Variants in ART3 observed in about 807,000 individuals in gnomAD.
ART3 encodes ADP-ribosyltransferase 3 (inactive), also known as ecto-ADP-ribosyltransferase 3.
In ART3, 49 loss-of-function variants were observed where a neutral mutation model predicts 48.5. That is an observed-to-expected ratio of 1.01 (90% CI 0.80 to 1.28). The LOEUF (loss-of-function observed/expected upper bound fraction) is 1.28. Among genes scored for constraint, ART3 ranks in the 50% most tolerant of loss-of-function variants. The pLI, the probability that ART3 is intolerant of heterozygous loss-of-function variation, is 0.00. For synonymous variants in ART3, 145 were observed against 157.2 expected, an observed-to-expected ratio of 0.92 and a Z score of 0.58; for missense variants, 438 against 454.3, an observed-to-expected ratio of 0.96 and a Z score of 0.33.
chr4:76,067,469 TA>T (rs74489210), intron 1 of ART3, among the ~76,000 whole-genome samples: 19,557 of 152,082 alleles, frequency 0.13, 1,670 homozygotes, highest in East Asian at 0.38. Context: ...CCAAAATCTA[TA>T]AAAAAACACT....
chr4:76,090,460 A>G (rs1724624560), intron 3 of ART3, among the ~76,000 whole-genome samples: 1 of 152,238 alleles, frequency 6.6e-6, no homozygotes, highest in African/African-American at 2.4e-5. Context: ...GTTGCCAGAG[A>G]TTCTAATCAG....
At chr4:76,047,424 C>T (rs113056627) in intron 1 of ART3, among the ~76,000 whole-genome samples, 10,367 of 151,894 alleles carry the variant, frequency 0.068, 989 homozygotes, top group African/African-American at 0.21. Context: ...CTGATATCTG[C>T]GGCTGATTGG....
At chr4:76,016,680 C>G (rs1203026897) in intron 1 of ART3, among the ~76,000 whole-genome samples, 3 of 152,232 alleles carry the variant, frequency 2.0e-5, no homozygotes, top group Non-Finnish European at 1.5e-5. Flanking sequence ...TCCCAGGCAC[C>G]AGATGGGCCC....
intron 1 of ART3, among the ~76,000 whole-genome samples, chr4:76,024,417 G>A (rs756053121): frequency 6.6e-6 from 1 of 152,082 alleles, no homozygotes; most frequent in African/African-American, 2.4e-5. Context: ...GAAAAAAAAA[G>A]TGTTGGCCAT....
intron 3 of ART3, among the ~76,000 whole-genome samples, chr4:76,090,948 T>A (rs77439387): frequency 0.012 from 1,852 of 152,318 alleles, 43 homozygotes; most frequent in African/African-American, 0.042. Context: ...ACTAATGTAC[T>A]TGCTGTCACT....
At chr4:76,081,517 A>G (rs942395730) in intron 2 of ART3, among the ~76,000 whole-genome samples, 1 of 152,186 alleles carries the variant, frequency 6.6e-6, no homozygotes, top group Non-Finnish European at 1.5e-5. Flanking sequence ...ACTGCCACCC[A>G]TTTCTTTAGC....
chr4:76,025,652 GAGTATA>G (rs774620243), intron 1 of ART3, among the ~76,000 whole-genome samples: 2 of 151,986 alleles, frequency 1.3e-5, no homozygotes, highest in Non-Finnish European at 2.9e-5. Flanking sequence ...GGAACCACTT[GAGTATA>G]TACTCTTTTG....
intron 1 of ART3, among the ~76,000 whole-genome samples, chr4:76,043,112 C>G (rs976208178): frequency 6.6e-6 from 1 of 151,284 alleles, no homozygotes; most frequent in Non-Finnish European, 1.5e-5. Context: ...AGGGTGCTGA[C>G]TGGTGTATTT....
intron 11 of ART3, among the ~76,000 whole-genome samples, chr4:76,109,245 CTTTT>C (rs56062839): frequency 6.6e-6 from 1 of 151,286 alleles, no homozygotes. Context: ...TTTTTATCAC[CTTTT>C]TTTTTAACTT....
intron 1 of ART3, among the ~76,000 whole-genome samples, chr4:76,041,997 A>G (rs1735018406): frequency 6.6e-6 from 1 of 152,132 alleles, no homozygotes; most frequent in Non-Finnish European, 1.5e-5. Flanking sequence ...TTGTTTCCAG[A>G]ATTGGACTAC....
chr4:76,104,010 G>A (rs1727914692), intron 9 of ART3, 41 bp downstream of exon 9: 1 of 1,591,084 alleles, frequency 6.3e-7, no homozygotes, highest in African/African-American at 1.3e-5. Flanking sequence ...CCAAGAATGA[G>A]TTGAGCAGGA....
intron 3 of ART3, among the ~76,000 whole-genome samples, chr4:76,086,439 G>C (rs1295228873): frequency 6.6e-6 from 1 of 152,162 alleles, no homozygotes. Context: ...ACGAGAGAAT[G>C]AAACAGTAGT....
intron 2 of ART3, among the ~76,000 whole-genome samples, chr4:76,078,942 G>A (rs892281522): frequency 8.5e-5 from 13 of 152,254 alleles, no homozygotes; most frequent in South Asian, 4.1e-4. Context: ...TTAGCCGGGC[G>A]TGGTGGCGGG....
intron 2 of ART3, among the ~76,000 whole-genome samples, chr4:76,076,338 G>A (rs1307541180): frequency 6.6e-6 from 1 of 151,752 alleles, no homozygotes; most frequent in Admixed American, 6.6e-5. Context: ...ATTACCTGAG[G>A]CATCTGTGTG....
At chr4:76,031,944 A>G (rs1256740587) in intron 1 of ART3, among the ~76,000 whole-genome samples, 1 of 152,232 alleles carries the variant, frequency 6.6e-6, no homozygotes, top group Non-Finnish European at 1.5e-5. Flanking sequence ...TGGTGGTTTC[A>G]AAGGCTTCTT....
Position 76,112,378 on chromosome 4 carries a change from G to A in ART3, c.1037-8G>A. The A allele has an allele frequency of 2.5e-6, 4 of 1,612,038 alleles. No homozygotes were observed. The highest frequency in any genetic ancestry group is 3.4e-6 in the Non-Finnish European group (4 of 1,179,268). On this transcript the variant is annotated splice_region_variant and splice_polypyrimidine_tract_variant and intron_variant, in intron 11 of 11. Coordinates refer to ENST00000355810, the MANE Select transcript of ART3 (RefSeq NM_001130016.3). ...GATGTGTCAGTGACTGTGTATTCTT[G>A]TTAACAGCTCCAGGTCCAGTTCCTG...
intron 1 of ART3, among the ~76,000 whole-genome samples, chr4:76,050,823 G>A (rs4359936): frequency 0.59 from 89,155 of 152,100 alleles, 27,002 homozygotes; most frequent in East Asian, 0.94. Flanking sequence ...GCTAAGGCCC[G>A]ATGAGAAATG....
intron 8 of ART3, among the ~76,000 whole-genome samples, chr4:76,101,910 A>G (rs1481603935): frequency 2.0e-5 from 3 of 152,234 alleles, no homozygotes. Context: ...CGGTTATAAC[A>G]CTTTTGGATA....
At chr4:76,040,746 G>A (rs1734904330) in intron 1 of ART3, among the ~76,000 whole-genome samples, 2 of 152,154 alleles carry the variant, frequency 1.3e-5, no homozygotes, top group South Asian at 4.1e-4. Context: ...ATCACAGTTT[G>A]AAAACTGAGG....
Sources: gnomAD v4.1 joint callset for allele counts (sites outside exome capture counted in the v4.1 genomes callset) on GRCh38, gnomAD v4.1.1 for gene constraint, MANE v1.5 for transcripts, NCBI Gene and HGNC (gene_info 2026-07-23, HGNC 2026-07-21) for gene names.